The following PSG3 variants were observed in gnomAD, a reference collection of about 807,000 sequenced individuals.
PSG3 encodes the protein pregnancy-specific beta-1-glycoprotein 3.
Under a neutral mutation model 47.5 loss-of-function variants are expected in PSG3, and 61 were observed. That is an observed-to-expected ratio of 1.28 (90% CI 1.05 to 1.59). PSG3 has a LOEUF of 1.59. Ranked by LOEUF, PSG3 falls within the 40% of genes most tolerant of loss-of-function variation. PSG3 has a pLI of 0.00. For synonymous variants in PSG3, 263 were observed against 198.4 expected, an observed-to-expected ratio of 1.33 and a Z score of -2.74; for missense variants, 756 against 524.0, an observed-to-expected ratio of 1.44 and a Z score of -4.32.
chr19:42,730,942 T>G (rs1352235893), intron 3 of PSG3, among the ~76,000 whole-genome samples: 1 of 152,226 alleles, frequency 6.6e-6, no homozygotes, highest in South Asian at 2.1e-4. Context: ...GGACCATATG[T>G]GTTTGATGGA....
intron 3 of PSG3, among the ~76,000 whole-genome samples, chr19:42,730,644 T>G (rs1402964205): frequency 6.6e-6 from 1 of 152,060 alleles, no homozygotes; most frequent in East Asian, 1.9e-4. Context: ...AGGCTCAAGG[T>G]GGGGCAGTTT....
rs750905868 is a variant in PSG3, at chr19:42,729,937, C to T, written c.829G>A (p.Gly277Ser). The T allele has an allele frequency of 5.0e-6, 8 of 1,612,012 alleles. No individual in the cohort carries two copies. Among genetic ancestry groups the T allele is most frequent in the Non-Finnish European group, 6.8e-6 (8 of 1,179,866 alleles). The change falls in exon 4 of 7, where the codon GGT becomes AGT. Residue 277 changes from glycine to serine, a missense_variant. Coordinates refer to ENST00000327495, the MANE Select transcript of PSG3 (RefSeq NM_021016.4). ...CTGGGACTGACCGGGAGGCTCTGAC[C>T]ATTTAGCCACCAAATGTAGGTGTAG... ...ENYTYIWWLN[G>S]QSLPVSPRVK...
intron 4 of PSG3, 113 bp downstream of exon 4, chr19:42,729,665 G>A (rs961161710): frequency 1.9e-6 from 3 of 1,558,750 alleles, no homozygotes; most frequent in African/African-American, 2.7e-5. Context: ...CAGCTCGGAT[G>A]TCCAGAAGTA....
rs1434761917 is a variant in PSG3, at chr19:42,729,054, G to A, written c.1243+69C>T. ...AGGCTGGGAATAAAAATGTTTTCCTGACTCTTCTCTGAAAGCCAGAGAGAC... is the reference window on the plus strand; with the variant it reads ...AGGCTGGGAATAAAAATGTTTTCCTAACTCTTCTCTGAAAGCCAGAGAGAC... On this transcript the variant is annotated intron_variant, in intron 5 of 6. Coordinates refer to ENST00000327495, the MANE Select transcript of PSG3 (RefSeq NM_021016.4). 10 of 1,611,382 alleles carry A rather than the reference G, an allele frequency of 6.2e-6. No homozygotes were observed. The African/African-American group carries it at 8.0e-5, about 13-fold the overall frequency.
intron 4 of PSG3, 127 bp downstream of exon 4, chr19:42,729,651 T>C (rs1022278375): frequency 1.9e-6 from 3 of 1,542,822 alleles, no homozygotes; most frequent in African/African-American, 2.8e-5. Context: ...CAGGAAGTTA[T>C]GGCCAGCTCG....
rs114835548 is a variant in PSG3 at position 42,724,409 on chromosome 19, G to A, written c.1244-384C>T. The stretch of plus-strand genomic sequence containing the variant: ...GACCCTGCCAGGTCTCCATGGCAGA[G>A]ACTTGATTGACAGAAGGCCCAGGTC... On this transcript the variant is annotated intron_variant, in intron 5 of 6. Transcript: ENST00000327495. Among the ~76,000 whole-genome samples the A allele has an allele frequency of 3.3e-3, 498 of 152,316 alleles. 4 individuals are homozygous for A. The highest frequency in any genetic ancestry group is 0.011 in the African/African-American group (474 of 41,564).
At chr19:42,736,258 A>C (rs552968040) in intron 2 of PSG3, among the ~76,000 whole-genome samples, 183 of 152,292 alleles carry the variant, frequency 1.2e-3, no homozygotes, top group Middle Eastern at 6.8e-3. Context: ...CCTATAGATA[A>C]CATCACTATT....
intron 6 of PSG3, among the ~76,000 whole-genome samples, chr19:42,723,189 T>A (rs1730531778): frequency 6.6e-6 from 1 of 152,226 alleles, no homozygotes; most frequent in African/African-American, 2.4e-5. Flanking sequence ...ACACATAGGT[T>A]GTGTTCTGAG....
chr19:42,739,443 A>G lies in PSG3; in HGVS notation c.65-354T>C, dbSNP rs555680718. 62 of 250,624 alleles carry G rather than the reference A, an allele frequency of 2.5e-4. 1 individual carries two copies. Among genetic ancestry groups the G allele is most frequent in the African/African-American group, 8.4e-4 (38 of 45,462 alleles). The allele number at this position is 250,624 out of a possible 1,614,324, so 15.5% of individuals were successfully genotyped here. ...TTCTTTCCTGACGCCTCCTTCAGAG[A>G]CCCTGGGTCTTCCCTTTCTGACCTT... On this transcript the variant is annotated intron_variant, in intron 1 of 6. Coordinates refer to ENST00000327495, the MANE Select transcript of PSG3 (RefSeq NM_021016.4).
intron 5 of PSG3, among the ~76,000 whole-genome samples, chr19:42,725,530 G>C (rs1485144874): frequency 1.8e-4 from 27 of 152,060 alleles, no homozygotes; most frequent in South Asian, 8.3e-4. Flanking sequence ...GATTGACTAA[G>C]AAAAAAAGAG....
intron 2 of PSG3, among the ~76,000 whole-genome samples, chr19:42,734,700 G>A (rs868761459): frequency 6.6e-6 from 1 of 152,196 alleles, no homozygotes; most frequent in Non-Finnish European, 1.5e-5. Context: ...TTTGAAATTA[G>A]CAACTCCTTA....
chr19:42,725,342 T>C (rs958629379), intron 5 of PSG3, among the ~76,000 whole-genome samples: 2 of 152,134 alleles, frequency 1.3e-5, no homozygotes, highest in African/African-American at 4.8e-5. Context: ...AACAACCTAC[T>C]TTAATACTTC....
At position 42,732,953 on chromosome 19, in the gene PSG3, C is replaced by T. The variant is rs370465597; in HGVS notation, c.540G>A (p.Trp180Ter). 3.7e-6 allele frequency: 6 copies of T among 1,614,028 alleles called. No individual in the cohort carries two copies. Among genetic ancestry groups the T allele is most frequent in the Non-Finnish European group, 5.1e-6 (6 of 1,180,026 alleles). ...TAGGGAGGCTCTGACCATTCATCCACCACAGGTAGCTTGCGTCCGGAGTCT... is the reference window on the plus strand; with the variant it reads ...TAGGGAGGCTCTGACCATTCATCCATCACAGGTAGCTTGCGTCCGGAGTCT... ...DPETPDASYLWWMNGQSLPMT... is the reference protein window; with the variant it reads ...DPETPDASYL The change falls in exon 3 of 7, where the codon TGG becomes TGA. Residue 180 changes from tryptophan to a stop codon, truncating the protein, a stop_gained. Coordinates refer to ENST00000327495, the MANE Select transcript of PSG3 (RefSeq NM_021016.4). LOFTEE classifies it high-confidence loss of function.
At position 42,738,919 on chromosome 19, in the gene PSG3, T is replaced by C; in HGVS notation, c.235A>G (p.Ile79Val). The C allele has an allele frequency of 1.9e-6, 3 of 1,614,010 alleles. No homozygotes were observed. Among genetic ancestry groups the C allele is most frequent in the South Asian group, 2.2e-5 (2 of 91,086 alleles). The stretch of plus-strand genomic sequence containing the variant: ...TGACCATCTACTACGTATGATGTAA[T>C]GTAATGGTAGAGGTCCTTCATTTGC... ...KGQMKDLYHY[I>V]TSYVVDGQII... The change falls in exon 2 of 7, where the codon ATT becomes GTT. Residue 79 changes from isoleucine to valine, a missense_variant. Physicochemically the swap from Ile to Val is conservative, Grantham distance 29. Coordinates refer to ENST00000327495, the MANE Select transcript of PSG3 (RefSeq NM_021016.4).
Position 42,729,070 on chromosome 19 carries a change from C to A in PSG3, c.1243+53G>T, listed in dbSNP as rs112146170. 10,423 of 1,612,932 alleles carry A rather than the reference C, an allele frequency of 6.5e-3. 508 individuals are homozygous for A. In the African/African-American group the frequency reaches 0.12, roughly 18 times the overall value. On this transcript the variant is annotated intron_variant, in intron 5 of 6. Coordinates refer to ENST00000327495, the MANE Select transcript of PSG3 (RefSeq NM_021016.4). Reference sequence around the variant, plus strand: ...TGTTTTCCTGACTCTTCTCTGAAAGCCAGAGAGACTCCACCTAAAACTCTA... The same window carrying A: ...TGTTTTCCTGACTCTTCTCTGAAAGACAGAGAGACTCCACCTAAAACTCTA...
At chr19:42,722,719 C>T (rs1035363553) in intron 6 of PSG3, among the ~76,000 whole-genome samples, 14 of 151,964 alleles carry the variant, frequency 9.2e-5, no homozygotes, top group Admixed American at 1.3e-4. Context: ...CTTGGTGTAG[C>T]CCATTCATAA....
chr19:42,725,821 A>T (rs1200446760), intron 5 of PSG3, among the ~76,000 whole-genome samples: 2 of 146,434 alleles, frequency 1.4e-5, no homozygotes, highest in Non-Finnish European at 1.5e-5. Context: ...CCATAATCAC[A>T]CCACTGTATT....
intron 4 of PSG3, 113 bp downstream of exon 4, chr19:42,729,665 G>C (rs961161710): frequency 1.3e-6 from 2 of 1,558,632 alleles, no homozygotes; most frequent in East Asian, 4.5e-5. Flanking sequence ...CAGCTCGGAT[G>C]TCCAGAAGTA....
chr19:42,738,315 AG>A (rs1969600721), intron 2 of PSG3, among the ~76,000 whole-genome samples: 1 of 152,206 alleles, frequency 6.6e-6, no homozygotes, highest in African/African-American at 2.4e-5. Flanking sequence ...ATCTGGAGCA[AG>A]GATTTAGGGA....
Sources: allele counts gnomAD v4.1 joint callset (sites outside exome capture counted in the v4.1 genomes callset), GRCh38; gene constraint gnomAD v4.1.1; transcripts MANE v1.5; gene names NCBI Gene and HGNC (gene_info 2026-07-23, HGNC 2026-07-21).